Variants in FKBP10 observed in about 807,000 individuals in gnomAD.
The protein encoded by FKBP10 is FKBP prolyl isomerase 10.
FKBP10 carries 34 observed loss-of-function variants against 53.7 expected under a neutral mutation model. The observed-to-expected ratio is 0.63, with a 90% CI of 0.48 to 0.84. The LOEUF (loss-of-function observed/expected upper bound fraction) is 0.84, where lower values mean the gene tolerates loss of function less well. Among genes scored for constraint, FKBP10 ranks in the 40% least tolerant of loss-of-function variants. FKBP10 has a pLI of 0.00. For missense variants in FKBP10, 748 were observed against 797.8 expected, an observed-to-expected ratio of 0.94 and a Z score of 0.75; for synonymous variants, 324 against 335.7, an observed-to-expected ratio of 0.97 and a Z score of 0.38.
In FKBP10 at chr17:41,818,409, C is replaced by T. The variant is rs782409174; in HGVS notation, c.609C>T (p.Thr203=). 3.1e-6 allele frequency: 5 copies of T among 1,614,196 alleles called. No individual in the cohort carries two copies. The South Asian group carries it at 4.4e-5, about 14-fold the overall frequency. Residue 203 remains threonine (T), a synonymous_variant, in exon 4 of 10, where the codon ACC becomes ACT. Transcript: ENST00000321562. The part of the protein sequence containing the change: ...TSYSKGGTYD[T]YVGSGWLIKG... ...ACAGTAAGGGCGGCACTTATGACAC[C>T]TACGTCGGCTCTGGTTGGCTGATCA...
intron 1 of FKBP10, among the ~76,000 whole-genome samples, chr17:41,815,350 C>T (rs991734404): frequency 6.6e-6 from 1 of 151,952 alleles, no homozygotes; most frequent in Non-Finnish European, 1.5e-5. Context: ...GTAGAGATGG[C>T]GTTTCACCAT....
chr17:41,818,673 G>A, intron 4 of FKBP10, 146 bp downstream of exon 4: 1 of 1,186,618 alleles, frequency 8.4e-7, no homozygotes, highest in African/African-American at 1.5e-5. Context: ...GTGCTACTAA[G>A]AAGGGGTGCT....
At chr17:41,820,858 G>T in intron 7 of FKBP10, 89 bp from the exon 8 acceptor site, 1 of 1,534,678 alleles carries the variant, frequency 6.5e-7, no homozygotes. Context: ...CGGAACTGAG[G>T]GCTTGTTCTG....
intron 1 of FKBP10, among the ~76,000 whole-genome samples, chr17:41,813,563 G>A (rs1396722099): frequency 6.6e-6 from 1 of 152,108 alleles, no homozygotes; most frequent in Non-Finnish European, 1.5e-5. Flanking sequence ...TGTATGTAAT[G>A]ACCTGATGGA....
chr17:41,817,338 G>GT, intron 2 of FKBP10, 135 bp downstream of exon 2: 1 of 1,228,150 alleles, frequency 8.1e-7, no homozygotes, highest in Admixed American at 2.0e-5. Flanking sequence ...AGTATGAAGA[G>GT]TGGCAGCTCT....
intron 2 of FKBP10, 68 bp from the exon 3 acceptor site, chr17:41,818,021 G>C: frequency 1.4e-6 from 2 of 1,473,688 alleles, no homozygotes; most frequent in Non-Finnish European, 1.9e-6. Context: ...GGGAATAACA[G>C]GGCCCTGGCT....
At position 41,822,932 on chromosome 17, in the gene FKBP10, C is replaced by CTT. The variant is rs2047909953; in HGVS notation, c.*524_*525insTT. On this transcript the variant is annotated 3_prime_UTR_variant, in exon 10 of 10. Coordinates refer to ENST00000321562, the MANE Select transcript of FKBP10 (RefSeq NM_021939.4). ...CTCTCCCATGCCCTTTGCCCTCCTCCCTCGCCTCCAGTGGAGGCTGAGCTG... is the reference window on the plus strand; with the variant it reads ...CTCTCCCATGCCCTTTGCCCTCCTCCTTCTCGCCTCCAGTGGAGGCTGAGCTG... 5.2e-6 allele frequency: 1 copy of CTT among 192,650 alleles called. No individual in the cohort carries two copies. The highest frequency in any genetic ancestry group is 5.3e-5 in the Admixed American group (1 of 18,842). The allele number at this position is 192,650 out of a possible 1,614,324, so 11.9% of individuals were successfully genotyped here.
At chr17:41,822,184 A>T (rs2047900714) in intron 9 of FKBP10, 39 bp from the exon 10 acceptor site, 1 of 1,590,524 alleles carries the variant, frequency 6.3e-7, no homozygotes, top group Non-Finnish European at 8.6e-7. Context: ...CAAGGCCATG[A>T]CCCTCACTGC....
chr17:41,818,051 C>T lies in FKBP10; in HGVS notation c.392-38C>T, dbSNP rs781978674. The T allele has an allele frequency of 3.1e-5, 49 of 1,556,290 alleles. No individual in the cohort carries two copies. The South Asian group carries it at 4.8e-4, about 15-fold the overall frequency. On this transcript the variant is annotated intron_variant, in intron 2 of 9. Transcript: ENST00000321562. ...CTGGCTGGGATCGTGGTTGGCAGAGCAGAACTCTGAGACCTCCACGCTGCT... is the reference window on the plus strand; with the variant it reads ...CTGGCTGGGATCGTGGTTGGCAGAGTAGAACTCTGAGACCTCCACGCTGCT...
chr17:41,817,754 A>G (rs1429753764), intron 2 of FKBP10, among the ~76,000 whole-genome samples: 1 of 151,492 alleles, frequency 6.6e-6, no homozygotes. Flanking sequence ...CAGCCTCCCA[A>G]ATAGCTGGGA....
At position 41,821,799 on chromosome 17, in the gene FKBP10, C is replaced by T. The variant is rs541344214; in HGVS notation, c.1545C>T (p.Gly515=). ...LFEDMDLNKD[G]EVPPEEFSTF... ...AAGACATGGACCTCAACAAGGATGG[C>T]GAGGTCCCTCCGGAGGAGGTGGGTG... is the stretch of plus-strand genomic sequence containing the variant. Residue 515 remains glycine (G), a synonymous_variant, in exon 9 of 10, where the codon GGC becomes GGT. Coordinates refer to ENST00000321562, the MANE Select transcript of FKBP10 (RefSeq NM_021939.4). 58 of 1,614,018 alleles carry T rather than the reference C, an allele frequency of 3.6e-5. No individual in the cohort carries two copies. Among genetic ancestry groups the T allele is most frequent in the East Asian group, 4.5e-5 (2 of 44,888 alleles).
At chr17:41,818,038 G>A (rs1251718364) in intron 2 of FKBP10, 51 bp from the exon 3 acceptor site, 24 of 1,536,834 alleles carry the variant, frequency 1.6e-5, no homozygotes, top group Admixed American at 1.9e-5. Context: ...GGCTGGGATC[G>A]TGGTTGGCAG....
Position 41,821,758 on chromosome 17 carries a change from C to G in FKBP10, c.1504C>G (p.Pro502Ala), listed in dbSNP as rs1555617169. The G allele has an allele frequency of 6.2e-7, 1 of 1,614,186 alleles. No homozygotes were observed. Among genetic ancestry groups the G allele is most frequent in the Non-Finnish European group, 8.5e-7 (1 of 1,180,032 alleles). The change falls in exon 9 of 10, where the codon CCT (proline) becomes GCT (alanine). Residue 502 changes from proline (P) to alanine (A), a missense_variant. By Grantham distance (27) the Pro-to-Ala change is conservative. Coordinates refer to ENST00000321562, the MANE Select transcript of FKBP10 (RefSeq NM_021939.4). The stretch of plus-strand genomic sequence containing the variant: ...CCTGTTTGTGTGGCACAAGGACCCT[C>G]CTGCCAACCTGTTTGAAGACATGGA... ...GYLFVWHKDP[P>A]ANLFEDMDLN...
intron 4 of FKBP10, among the ~76,000 whole-genome samples, 163 bp downstream of exon 4, chr17:41,818,690 G>A (rs369810237): frequency 5.3e-5 from 8 of 151,222 alleles, no homozygotes; most frequent in Admixed American, 4.0e-4. Flanking sequence ...TGCTTTGGCC[G>A]GGCGTGGTGG....
In FKBP10 at chr17:41,814,222, C is replaced by T. The variant is rs560088167; in HGVS notation, c.245+943C>T. Among the ~76,000 whole-genome samples, 3 of 152,330 alleles carry T rather than the reference C, an allele frequency of 2.0e-5. No homozygotes were observed. In the South Asian group the frequency reaches 6.2e-4, roughly 32 times the overall value. On this transcript the variant is annotated intron_variant, in intron 1 of 9. Coordinates refer to ENST00000321562, the MANE Select transcript of FKBP10 (RefSeq NM_021939.4). ...ACTCAGCCCACAGGAAATTAGTGGC[C>T]ATGACTTTAGAGGCAGGCATATATT...
intron 1 of FKBP10, 117 bp from the exon 2 acceptor site, chr17:41,816,941 G>C (rs752330784): frequency 6.9e-7 from 1 of 1,452,734 alleles, no homozygotes; most frequent in Non-Finnish European, 9.6e-7. Context: ...ATCCACACCT[G>C]GCTATAGGGA....
chr17:41,818,633 G>A (rs2047847082), intron 4 of FKBP10, 106 bp downstream of exon 4: 4 of 1,456,814 alleles, frequency 2.7e-6, no homozygotes, highest in Admixed American at 1.9e-5. Flanking sequence ...ATCCAACCAA[G>A]GACTCAAGGT....
Position 41,822,791 on chromosome 17 carries a change from A to C in FKBP10, c.*383A>C. 2 of 346,096 alleles carry C rather than the reference A, an allele frequency of 5.8e-6. No homozygotes were observed. Among genetic ancestry groups the C allele is most frequent in the Non-Finnish European group, 1.1e-5 (2 of 178,068 alleles). The allele number at this position is 346,096 out of a possible 1,614,324, so 21.4% of individuals were successfully genotyped here. A position where few individuals can be genotyped will look rare whatever the true frequency, so the allele number is the denominator to read the frequency against. ...TTTCTCTTTCTTTGTACTTCTTGTC[A>C]TCCCCACTCCCAGCCCCTTTTCCTC... is the stretch of plus-strand genomic sequence containing the variant. On this transcript the variant is annotated 3_prime_UTR_variant, in exon 10 of 10. Transcript: ENST00000321562.
rs1555616799 is a variant in FKBP10, at chr17:41,820,252, C to T, written c.1064-17C>T. The T allele has an allele frequency of 1.2e-6, 2 of 1,613,936 alleles. No individual in the cohort carries two copies. Among genetic ancestry groups the T allele is most frequent in the South Asian group, 2.2e-5 (2 of 91,068 alleles). ...CTAGTGCTCTGAGCTGACCACACTC[C>T]CCCATTCTGGCCTCAGGAGACAAGA... On this transcript the variant is annotated splice_polypyrimidine_tract_variant and intron_variant, in intron 6 of 9. Coordinates refer to ENST00000321562, the MANE Select transcript of FKBP10 (RefSeq NM_021939.4).
Sources: gnomAD v4.1 joint callset for allele counts (sites outside exome capture counted in the v4.1 genomes callset) on GRCh38, gnomAD v4.1.1 for gene constraint, MANE v1.5 for transcripts, NCBI Gene and HGNC (gene_info 2026-07-23, HGNC 2026-07-21) for gene names.